UBE3D: variants seen among roughly 807,000 people sequenced by gnomAD.
UBE3D encodes the protein E3 ubiquitin-protein ligase E3D.
Under a neutral mutation model 49.6 loss-of-function variants are expected in UBE3D, and 48 were observed. The observed-to-expected ratio is 0.97, with a 90% CI of 0.77 to 1.23. The LOEUF (loss-of-function observed/expected upper bound fraction) is 1.23, where lower values mean the gene tolerates loss of function less well. Ranked by LOEUF, UBE3D falls within the 50% of genes most tolerant of loss-of-function variation. The pLI is 0.00. For missense variants in UBE3D, 452 were observed against 468.4 expected (o/e 0.96, Z 0.32); for synonymous variants, 189 against 174.2 (o/e 1.08, Z -0.67).
chr6:83,005,097 G>A (rs2127750757), intron 8 of UBE3D, among the ~76,000 whole-genome samples: 1 of 151,218 alleles, frequency 6.6e-6, no homozygotes, highest in Admixed American at 6.6e-5. Flanking sequence ...ATCTCATAAG[G>A]GATTATTATC....
intron 9 of UBE3D, among the ~76,000 whole-genome samples, chr6:82,926,927 A>G (rs1773795578): frequency 6.6e-6 from 1 of 152,108 alleles, no homozygotes; most frequent in Non-Finnish European, 1.5e-5. Flanking sequence ...AGTCATCATC[A>G]GATGCTAGGC....
At chr6:82,998,188 A>G (rs1779377756) in intron 8 of UBE3D, among the ~76,000 whole-genome samples, 1 of 152,186 alleles carries the variant, frequency 6.6e-6, no homozygotes, top group Non-Finnish European at 1.5e-5. Context: ...GAACTCCAAT[A>G]ATTAAATGTT....
intron 9 of UBE3D, among the ~76,000 whole-genome samples, chr6:82,916,472 T>G (rs866250760): frequency 6.6e-6 from 1 of 152,050 alleles, no homozygotes; most frequent in Non-Finnish European, 1.5e-5. Flanking sequence ...TTTCCAGAGG[T>G]TCACACTGAA....
At chr6:82,936,522 C>T (rs1348015265) in intron 9 of UBE3D, among the ~76,000 whole-genome samples, 2 of 151,834 alleles carry the variant, frequency 1.3e-5, no homozygotes, top group African/African-American at 2.4e-5. Context: ...TGAAGAACTG[C>T]ATTCAGTTCT....
chr6:83,057,890 C>T lies in UBE3D; in HGVS notation c.210G>A (p.Gly70=), dbSNP rs759154052. ...EVRLVPSSCR[G]LQFVVGDGLH... is the part of the protein sequence containing the mutation. ...GTCCATCTCCAACAACAAACTGTAG[C>T]CCACGGCAAGAGGAAGGTACAAGCC... is the stretch of plus-strand genomic sequence containing the variant. Residue 70 remains glycine, a synonymous_variant, in exon 2 of 10, where the codon GGG becomes GGA. Coordinates refer to ENST00000369747, the MANE Select transcript of UBE3D (RefSeq NM_198920.3). The T allele has an allele frequency of 6.2e-7, 1 of 1,614,174 alleles. No homozygotes were observed. The highest frequency in any genetic ancestry group is 8.5e-7 in the Non-Finnish European group (1 of 1,180,036).
chr6:82,900,985 C>T (rs538002381), intron 9 of UBE3D, among the ~76,000 whole-genome samples: 45 of 152,150 alleles, frequency 3.0e-4, no homozygotes, highest in African/African-American at 9.6e-4. Flanking sequence ...TGTTTAAATA[C>T]GTGATTTATG....
chr6:82,915,690 A>C (rs1455925449), intron 9 of UBE3D, among the ~76,000 whole-genome samples: 3 of 152,164 alleles, frequency 2.0e-5, no homozygotes, highest in African/African-American at 7.2e-5. Context: ...CTATCATTGA[A>C]CAGCTGGGCT....
chr6:82,994,357 T>A (rs1165902168), intron 8 of UBE3D, among the ~76,000 whole-genome samples: 1 of 152,236 alleles, frequency 6.6e-6, no homozygotes, highest in Non-Finnish European at 1.5e-5. Flanking sequence ...ATGAACTGTA[T>A]ATGACCTGCA....
chr6:82,923,944 A>AG (rs1421939361), intron 9 of UBE3D, among the ~76,000 whole-genome samples: 1 of 152,174 alleles, frequency 6.6e-6, no homozygotes, highest in African/African-American at 2.4e-5. Context: ...TAGAGTCAAA[A>AG]GTAAAAAAAC....
intron 8 of UBE3D, among the ~76,000 whole-genome samples, chr6:82,977,113 C>CAAAAAAAAAAAAAAAAA (rs58424434): frequency 2.3e-5 from 1 of 42,582 alleles, no homozygotes. Flanking sequence ...GACTCCATCT[C>CAAAAAAAAAAAAAAAAA]AAAAAAAAAA....
chr6:82,976,156 A>T (rs1777702934), intron 8 of UBE3D, among the ~76,000 whole-genome samples: 1 of 152,212 alleles, frequency 6.6e-6, no homozygotes, highest in African/African-American at 2.4e-5. Context: ...AAACCGGGGA[A>T]TGTGGCTTCT....
In UBE3D at chr6:83,022,439, A is replaced by C; in HGVS notation, c.846+14T>G. 2 of 1,528,258 alleles carry C rather than the reference A, an allele frequency of 1.3e-6. No homozygotes were observed. The highest frequency in any genetic ancestry group is 8.8e-7 in the Non-Finnish European group (1 of 1,134,610). The allele number at this position is 1,528,258 out of a possible 1,614,324, so 94.7% of individuals were successfully genotyped here. On this transcript the variant is annotated intron_variant, in intron 7 of 9. Coordinates refer to ENST00000369747, the MANE Select transcript of UBE3D (RefSeq NM_198920.3). ...TTCCTAGGCTACAAAAAGCTGGATA[A>C]AATAATTTCTTACCAAGATATACAC... is the stretch of plus-strand genomic sequence containing the variant.
intron 8 of UBE3D, among the ~76,000 whole-genome samples, chr6:82,977,632 G>C (rs944607883): frequency 1.3e-5 from 2 of 152,158 alleles, no homozygotes; most frequent in African/African-American, 4.8e-5. Flanking sequence ...GAGGTCAGGA[G>C]TTCAAGACCA....
At chr6:82,932,950 TTGTC>T (rs1774277286) in intron 9 of UBE3D, among the ~76,000 whole-genome samples, 1 of 152,146 alleles carries the variant, frequency 6.6e-6, no homozygotes, top group Non-Finnish European at 1.5e-5. Flanking sequence ...AGGGCTCTAG[TTGTC>T]TGTTATAAAG....
At chr6:82,897,530 G>T (rs1430319794) in intron 9 of UBE3D, among the ~76,000 whole-genome samples, 1 of 152,186 alleles carries the variant, frequency 6.6e-6, no homozygotes, top group Non-Finnish European at 1.5e-5. Context: ...GGCAGAGGTT[G>T]CAGTGAGCTG....
intron 3 of UBE3D, among the ~76,000 whole-genome samples, chr6:83,050,578 T>G (rs999615913): frequency 3.9e-5 from 6 of 152,332 alleles, no homozygotes; most frequent in Middle Eastern, 3.4e-3. Context: ...TTAGTTGATT[T>G]GGGGCACATA....
chr6:82,898,788 G>A (rs941638854), intron 9 of UBE3D, among the ~76,000 whole-genome samples: 12 of 151,968 alleles, frequency 7.9e-5, no homozygotes, highest in East Asian at 1.9e-4. Context: ...TAACAAAACT[G>A]CACATTCTGC....
chr6:82,983,611 A>T (rs1299100675), intron 8 of UBE3D, among the ~76,000 whole-genome samples: 2 of 152,070 alleles, frequency 1.3e-5, no homozygotes, highest in Non-Finnish European at 2.9e-5. Context: ...CCAGGACTAA[A>T]CAGTTTTATT....
At position 83,065,701 on chromosome 6, in the gene UBE3D, C is replaced by T; in HGVS notation, c.18G>A (p.Ala6=). Residue 6 remains alanine, a synonymous_variant, in exon 1 of 10, where the codon GCG becomes GCA. Coordinates refer to ENST00000369747, the MANE Select transcript of UBE3D (RefSeq NM_198920.3). MAASA[A]ETRVFLEVRG... ...GCACCTCCAGAAACACGCGCGTCTC[C>T]GCCGCAGAAGCCGCCATGGCAGGCT... 1 of 1,611,646 alleles carries T rather than the reference C, an allele frequency of 6.2e-7. No homozygotes were observed. The highest frequency in any genetic ancestry group is 1.1e-5 in the South Asian group (1 of 90,752).
Sources: gnomAD v4.1 joint callset for allele counts (sites outside exome capture counted in the v4.1 genomes callset) on GRCh38, gnomAD v4.1.1 for gene constraint, MANE v1.5 for transcripts, NCBI Gene and HGNC (gene_info 2026-07-23, HGNC 2026-07-21) for gene names.